The following NRXN1 variants were observed in gnomAD, a reference collection of about 807,000 sequenced individuals.
NRXN1 encodes the protein neurexin-1.
NRXN1 carries 39 observed loss-of-function variants against 150.9 expected under a neutral mutation model. That is an observed-to-expected ratio of 0.26 (90% CI 0.20 to 0.34). The LOEUF is 0.34. Among genes scored for constraint, NRXN1 ranks in the 10% least tolerant of loss-of-function variants. The probability of loss-of-function intolerance (pLI) is 1.00; values close to 1 mark genes in which losing one functional copy is unlikely to be tolerated. For missense variants in NRXN1, 1,815 were observed against 1,949.9 expected (o/e 0.93, Z 1.30); for synonymous variants, 924 against 757.0 (o/e 1.22, Z -3.62).
chr2:49,959,428 G>A (rs1675527337), intron 21 of NRXN1, among the ~76,000 whole-genome samples: 1 of 152,204 alleles, frequency 6.6e-6, no homozygotes, highest in Non-Finnish European at 1.5e-5. Context: ...GTACCCTGAA[G>A]AGACAGAGAA....
chr2:50,960,418 G>T (rs148031563), intron 2 of NRXN1, among the ~76,000 whole-genome samples: 3 of 147,808 alleles, frequency 2.0e-5, no homozygotes, highest in South Asian at 4.3e-4. Context: ...AATGTACTCC[G>T]CATTTTAAAT....
chr2:50,631,390 T>TAA (rs1391357290), intron 5 of NRXN1: 2 of 230,200 alleles, frequency 8.7e-6, no homozygotes, highest in Non-Finnish European at 1.7e-5. Flanking sequence ...AAAGGTAAGT[T>TAA]AGACTTAGAC....
chr2:50,623,407 T>C lies in NRXN1; in HGVS notation c.1041A>G (p.Gly347=). The C allele has an allele frequency of 6.2e-7, 1 of 1,613,422 alleles. No homozygotes were observed. The highest frequency in any genetic ancestry group is 8.5e-7 in the Non-Finnish European group (1 of 1,179,526). ...CCACTAGTGCTTCAAAGGCCCCTGA[T>C]CCCAAATTAATGACCAGAGAGACAG... ...NGAVSLVINL[G]SGAFEALVEP... is the part of the protein sequence containing the mutation. Residue 347 remains glycine (G), a synonymous_variant, in exon 6 of 23, where the codon GGA becomes GGG. Coordinates refer to ENST00000401669, the MANE Select transcript of NRXN1 (RefSeq NM_001330078.2).
At chr2:50,816,690 C>T (rs1235783708) in intron 5 of NRXN1, among the ~76,000 whole-genome samples, 1 of 152,112 alleles carries the variant, frequency 6.6e-6, no homozygotes, top group Non-Finnish European at 1.5e-5. Flanking sequence ...GATGTACTTA[C>T]TGCCACTCAG....
At chr2:49,961,007 G>A (rs757740598) in intron 21 of NRXN1, among the ~76,000 whole-genome samples, 8 of 151,866 alleles carry the variant, frequency 5.3e-5, no homozygotes, top group Non-Finnish European at 1.2e-4. Context: ...TGTAAAATGA[G>A]TACTAAACAA....
chr2:50,107,406 ATTT>A (rs1701801925), intron 18 of NRXN1, among the ~76,000 whole-genome samples: 3 of 151,184 alleles, frequency 2.0e-5, no homozygotes, highest in African/African-American at 7.3e-5. Context: ...CATCTTTTAA[ATTT>A]TTAAAGAGAT....
intron 17 of NRXN1, among the ~76,000 whole-genome samples, chr2:50,270,082 T>C (rs2069388174): frequency 6.6e-6 from 1 of 152,038 alleles, no homozygotes; most frequent in Non-Finnish European, 1.5e-5. Context: ...CCCCATTATG[T>C]GTTGAAGGAA....
In NRXN1 at chr2:50,677,193, C is replaced by T. The variant is rs147501929; in HGVS notation, c.833-53578G>A. On this transcript the variant is annotated intron_variant, in intron 5 of 22. Coordinates refer to ENST00000401669, the MANE Select transcript of NRXN1 (RefSeq NM_001330078.2). ...AGTAAATTATAGGCAAAGAAAAACA[C>T]GGAGAGCAGCCAATTTGGGACATTC... Among the ~76,000 whole-genome samples the T allele has an allele frequency of 8.0e-4, 122 of 152,198 alleles. No individual in the cohort carries two copies. The East Asian group carries it at 9.5e-3, about 12-fold the overall frequency.
At chr2:50,599,529 G>A (rs1675891451) in intron 8 of NRXN1, among the ~76,000 whole-genome samples, 1 of 152,118 alleles carries the variant, frequency 6.6e-6, no homozygotes, top group Non-Finnish European at 1.5e-5. Context: ...AAACATACTT[G>A]GGAATGTTTT....
chr2:50,940,898 GT>G, intron 2 of NRXN1, among the ~76,000 whole-genome samples: 1 of 152,150 alleles, frequency 6.6e-6, no homozygotes, highest in Non-Finnish European at 1.5e-5. Context: ...CAACAAACAA[GT>G]TTTGCCGGCC....
chr2:49,998,724 G>A (rs900531921), intron 21 of NRXN1, among the ~76,000 whole-genome samples: 15 of 152,060 alleles, frequency 9.9e-5, no homozygotes, highest in African/African-American at 2.7e-4. Flanking sequence ...ATTATTCTAC[G>A]TCGCTGCGAT....
intron 2 of NRXN1, among the ~76,000 whole-genome samples, chr2:51,025,747 A>G (rs1670339991): frequency 6.6e-6 from 1 of 152,192 alleles, no homozygotes; most frequent in South Asian, 2.1e-4. Flanking sequence ...ATGATTCACA[A>G]GTAGATTTGC....
intron 17 of NRXN1, among the ~76,000 whole-genome samples, chr2:50,381,540 C>T (rs966912512): frequency 2.0e-5 from 3 of 148,456 alleles, no homozygotes; most frequent in African/African-American, 7.4e-5. Flanking sequence ...CACACACACA[C>T]ACACACACAC....
intron 21 of NRXN1, among the ~76,000 whole-genome samples, chr2:49,978,079 T>C (rs774740200): frequency 6.6e-6 from 1 of 152,030 alleles, no homozygotes; most frequent in Non-Finnish European, 1.5e-5. Context: ...GGAGAATCGC[T>C]TGAACCAGGG....
At chr2:50,312,006 G>C (rs1203193341) in intron 17 of NRXN1, among the ~76,000 whole-genome samples, 2 of 152,104 alleles carry the variant, frequency 1.3e-5, no homozygotes, top group Non-Finnish European at 2.9e-5. Context: ...AATATAGTTA[G>C]TGTCCCTCCT....
At position 50,153,394 on chromosome 2, in the gene NRXN1, AT is replaced by A. The variant is rs200031375; in HGVS notation, c.3547-61901del. On this transcript the variant is annotated intron_variant, in intron 18 of 22. Coordinates refer to ENST00000401669, the MANE Select transcript of NRXN1 (RefSeq NM_001330078.2). ...ACTTTTTCCCAATTCTTTATATGTAATTTTTTTTTTGTTGAAAAATGGACAT... is the reference window on the plus strand; with the variant it reads ...ACTTTTTCCCAATTCTTTATATGTAATTTTTTTTTGTTGAAAAATGGACAT... Among the ~76,000 whole-genome samples, 104 of 146,182 alleles carry A rather than the reference AT, an allele frequency of 7.1e-4. No individual in the cohort carries two copies. The East Asian group carries it at 0.012, about 17-fold the overall frequency.
chr2:50,241,373 C>T (rs188864795), intron 17 of NRXN1, among the ~76,000 whole-genome samples: 2 of 151,812 alleles, frequency 1.3e-5, no homozygotes, highest in Non-Finnish European at 3.0e-5. Flanking sequence ...AATCACAGTT[C>T]CAATATAGAG....
intron 21 of NRXN1, chr2:50,022,729 A>G (rs1461910273): frequency 6.6e-6 from 1 of 152,224 alleles, no homozygotes; most frequent in Non-Finnish European, 1.5e-5. Context: ...AATTTTTACA[A>G]AAAGAGATGT....
chr2:50,788,653 C>T (rs1290106185), intron 5 of NRXN1, among the ~76,000 whole-genome samples: 3 of 151,866 alleles, frequency 2.0e-5, no homozygotes, highest in African/African-American at 7.3e-5. Context: ...TTCGAGAAGG[C>T]CTCCTTAAAT....
Sources: gnomAD v4.1 joint callset for allele counts (sites outside exome capture counted in the v4.1 genomes callset) on GRCh38, gnomAD v4.1.1 for gene constraint, MANE v1.5 for transcripts, NCBI Gene and HGNC (gene_info 2026-07-23, HGNC 2026-07-21) for gene names.